Variants in ATF7IP observed in about 807,000 individuals in gnomAD.
The protein encoded by ATF7IP is activating transcription factor 7 interacting protein, also known as activating transcription factor 7-interacting protein 1.
Under a neutral mutation model 106.4 loss-of-function variants are expected in ATF7IP, and 23 were observed. The observed-to-expected ratio is 0.22, with a 90% CI of 0.16 to 0.31. ATF7IP has a LOEUF of 0.31. Among genes scored for constraint, ATF7IP ranks in the 10% least tolerant of loss-of-function variants. ATF7IP has a pLI of 1.00. For synonymous variants in ATF7IP, 542 were observed against 539.0 expected (o/e 1.01, Z -0.08); for missense variants, 1,334 against 1,524.3 (o/e 0.88, Z 2.08).
intron 13 of ATF7IP, among the ~76,000 whole-genome samples, chr12:14,483,668 A>G (rs532631923): frequency 6.6e-6 from 1 of 152,022 alleles, no homozygotes; most frequent in Non-Finnish European, 1.5e-5. Context: ...AATCCTGGCT[A>G]TGGGAGAAAC....
In ATF7IP at chr12:14,501,337, C is replaced by G. The variant is rs1057054567; in HGVS notation, c.*3264C>G. ...AATTCTGGAAACCTGATACTGCAAC[C>G]TGCAATGTAGGATGTTTGTATGGCA... On this transcript the variant is annotated 3_prime_UTR_variant, in exon 15 of 15. Transcript: ENST00000261168. The G allele has an allele frequency of 6.6e-6, 1 of 152,154 alleles. No homozygotes were observed. The highest frequency in any genetic ancestry group is 1.5e-5 in the Non-Finnish European group (1 of 68,026). 9.4% of individuals were successfully genotyped at this position (152,154 alleles called of 1,614,324 possible). A position where few individuals can be genotyped will look rare whatever the true frequency, so the allele number is the denominator to read the frequency against.
At chr12:14,456,673 C>G (rs1471380670) in intron 7 of ATF7IP, 39 bp downstream of exon 7, 1 of 1,380,074 alleles carries the variant, frequency 7.2e-7, no homozygotes, top group Non-Finnish European at 1.0e-6. Flanking sequence ...AAAAACAGAA[C>G]AAAGTTCTAC....
chr12:14,494,869 G>T (rs1330528175), intron 13 of ATF7IP, among the ~76,000 whole-genome samples: 1 of 149,260 alleles, frequency 6.7e-6, no homozygotes, highest in Non-Finnish European at 1.5e-5. Context: ...GGAGGCGGAG[G>T]TTGCAGTGAG....
intron 1 of ATF7IP, among the ~76,000 whole-genome samples, chr12:14,375,065 T>C (rs1317024303): frequency 6.6e-6 from 1 of 151,780 alleles, no homozygotes; most frequent in African/African-American, 2.4e-5. Context: ...TGCCTTGCTT[T>C]CCACCATGCC....
chr12:14,443,447 G>T (rs374631489), intron 5 of ATF7IP, among the ~76,000 whole-genome samples: 1 of 152,132 alleles, frequency 6.6e-6, no homozygotes, highest in Non-Finnish European at 1.5e-5. Flanking sequence ...ACTTGGTTCA[G>T]TATTAACAAT....
chr12:14,467,569 A>G (rs1943880876), intron 10 of ATF7IP, among the ~76,000 whole-genome samples: 2 of 152,208 alleles, frequency 1.3e-5, no homozygotes, highest in African/African-American at 4.8e-5. Context: ...TGGAAGATGT[A>G]TAGAAAATGT....
At chr12:14,415,130 C>T (rs1330760875) in intron 1 of ATF7IP, among the ~76,000 whole-genome samples, 3 of 152,042 alleles carry the variant, frequency 2.0e-5, no homozygotes, top group African/African-American at 7.2e-5. Context: ...TAACTTCACT[C>T]CTTATCTGCA....
intron 1 of ATF7IP, among the ~76,000 whole-genome samples, chr12:14,396,160 A>G (rs1939828204): frequency 6.6e-6 from 1 of 152,148 alleles, no homozygotes. Context: ...AGTGGTAGTG[A>G]GGTAGCTTAG....
chr12:14,465,499 C>G (rs75472545), intron 9 of ATF7IP, among the ~76,000 whole-genome samples: 1 of 151,506 alleles, frequency 6.6e-6, no homozygotes, highest in Non-Finnish European at 1.5e-5. Flanking sequence ...AAAACAGATG[C>G]TCATTTGTAA....
At chr12:14,477,139 G>A (rs963472322) in intron 11 of ATF7IP, among the ~76,000 whole-genome samples, 1 of 152,120 alleles carries the variant, frequency 6.6e-6, no homozygotes, top group African/African-American at 2.4e-5. Context: ...CATGTGCTGA[G>A]TTACTTCTTA....
At chr12:14,392,972 T>A (rs189220692) in intron 1 of ATF7IP, among the ~76,000 whole-genome samples, 3 of 152,364 alleles carry the variant, frequency 2.0e-5, no homozygotes, top group Non-Finnish European at 4.4e-5. Context: ...CAGTCTTTAC[T>A]GTATTCATTT....
chr12:14,425,442 A>G lies in ATF7IP; in HGVS notation c.1527A>G (p.Glu509=). 2 of 1,568,518 alleles carry G rather than the reference A, an allele frequency of 1.3e-6. No individual in the cohort carries two copies. The highest frequency in any genetic ancestry group is 1.7e-6 in the Non-Finnish European group (2 of 1,162,158). ...TTTCGGGTGAAAAAGATGAGTCTGA[A>G]GTTATATCGCAAAATGAAACGTGCT... ...EDISGEKDES[E]VISQNETCSP... The change falls in exon 2 of 15, where the codon GAA becomes GAG. Residue 509 remains glutamate, a synonymous_variant. Transcript: ENST00000261168.
intron 6 of ATF7IP, among the ~76,000 whole-genome samples, chr12:14,454,869 A>G (rs1943363623): frequency 6.6e-6 from 1 of 152,018 alleles, no homozygotes; most frequent in East Asian, 1.9e-4. Context: ...TATCTTAACC[A>G]TTTTGAGTGT....
At chr12:14,450,547 G>C (rs1056577615) in intron 6 of ATF7IP, among the ~76,000 whole-genome samples, 1 of 152,088 alleles carries the variant, frequency 6.6e-6, no homozygotes, top group African/African-American at 2.4e-5. Flanking sequence ...TTTACATGCT[G>C]TTGAATTTGG....
At chr12:14,476,879 A>G (rs892069820) in intron 11 of ATF7IP, among the ~76,000 whole-genome samples, 2 of 152,214 alleles carry the variant, frequency 1.3e-5, no homozygotes, top group African/African-American at 4.8e-5. Flanking sequence ...GTTATTCTGC[A>G]GTGTTAATAG....
intron 1 of ATF7IP, among the ~76,000 whole-genome samples, chr12:14,415,163 G>GCT (rs1565491287): frequency 6.6e-6 from 1 of 152,174 alleles, no homozygotes; most frequent in South Asian, 2.1e-4. Context: ...AGTTTGGCAA[G>GCT]CTAGTGAGTA....
intron 13 of ATF7IP, among the ~76,000 whole-genome samples, chr12:14,492,602 A>C (rs1397239218): frequency 6.6e-6 from 1 of 152,126 alleles, no homozygotes; most frequent in East Asian, 1.9e-4. Flanking sequence ...TATAAGTAGG[A>C]ATGCAGTAGG....
At chr12:14,403,579 C>T (rs1172572729) in intron 1 of ATF7IP, among the ~76,000 whole-genome samples, 1 of 152,114 alleles carries the variant, frequency 6.6e-6, no homozygotes, top group African/African-American at 2.4e-5. Flanking sequence ...AGTCAAATGG[C>T]TTCAGACTCT....
chr12:14,385,268 A>G, intron 1 of ATF7IP: 1 of 814,406 alleles, frequency 1.2e-6, no homozygotes. Context: ...TGCACATTGC[A>G]GCCATCTTAA....
Sources: allele counts gnomAD v4.1 joint callset (sites outside exome capture counted in the v4.1 genomes callset), GRCh38; gene constraint gnomAD v4.1.1; transcripts MANE v1.5; gene names NCBI Gene and HGNC (gene_info 2026-07-23, HGNC 2026-07-21).